The following SH3RF3 variants were observed in gnomAD, a reference collection of about 807,000 sequenced individuals.
SH3RF3 encodes the protein SH3 domain containing ring finger 3, also known as E3 ubiquitin-protein ligase SH3RF3.
SH3RF3 carries 29 observed loss-of-function variants against 66.3 expected under a neutral mutation model. The observed-to-expected ratio is 0.44, with a 90% confidence interval of 0.33 to 0.60. The LOEUF (loss-of-function observed/expected upper bound fraction) is 0.60. SH3RF3 is among the 20% of genes least tolerant of loss of function. The probability of loss-of-function intolerance (pLI) is 0.04; values close to 1 mark genes in which losing one functional copy is unlikely to be tolerated. For synonymous variants in SH3RF3, 583 were observed against 532.0 expected, an observed-to-expected ratio of 1.10 and a Z score of -1.32; for missense variants, 1,194 against 1,190.9, an observed-to-expected ratio of 1.00 and a Z score of -0.04.
chr2:109,487,206 T>C (rs1679003383), intron 8 of SH3RF3, among the ~76,000 whole-genome samples: 1 of 152,196 alleles, frequency 6.6e-6, no homozygotes, highest in Non-Finnish European at 1.5e-5. Context: ...TCAGCCCAGA[T>C]CAGCCCTAAA....
In SH3RF3 at chr2:109,443,664, C is replaced by T. The variant is rs193080037; in HGVS notation, c.1829-5506C>T. ...ATTATTAGAGATAAAAAGGCAATTT[C>T]GTAACAATAAAGGGGTCAGTTCATT... On this transcript the variant is annotated intron_variant, in intron 7 of 9. Coordinates refer to ENST00000309415, the MANE Select transcript of SH3RF3 (RefSeq NM_001099289.3). Among the ~76,000 whole-genome samples, 329 of 152,158 alleles carry T rather than the reference C, an allele frequency of 2.2e-3. 2 individuals carry two copies. Among genetic ancestry groups the T allele is most frequent in the African/African-American group, 7.3e-3 (304 of 41,502 alleles).
Position 109,498,240 on chromosome 2 carries a change from GAT to G in SH3RF3, c.2481-3262_2481-3261del, listed in dbSNP as rs1402369037. Among the ~76,000 whole-genome samples, 10 of 152,308 alleles carry G rather than the reference GAT, an allele frequency of 6.6e-5. No homozygotes were observed. The South Asian group carries it at 1.9e-3, about 28-fold the overall frequency. On this transcript the variant is annotated intron_variant, in intron 9 of 9. Coordinates refer to ENST00000309415, the MANE Select transcript of SH3RF3 (RefSeq NM_001099289.3). ...CCAGTCCAACCATCGTGCACCCGTA[GAT>G]GCTCTGAGACACTTAGAGTTGGCTG...
At chr2:109,439,396 C>T (rs1024970265) in intron 7 of SH3RF3, among the ~76,000 whole-genome samples, 12 of 152,220 alleles carry the variant, frequency 7.9e-5, no homozygotes, top group Admixed American at 2.6e-4. Context: ...TGAGTTCCTG[C>T]GGCATTTTCC....
intron 1 of SH3RF3, among the ~76,000 whole-genome samples, chr2:109,214,716 A>G (rs764246351): frequency 6.6e-6 from 1 of 152,032 alleles, no homozygotes; most frequent in Non-Finnish European, 1.5e-5. Flanking sequence ...GATGGGCTCC[A>G]CTCCAGCTGC....
At chr2:109,229,979 T>C (rs1226989891) in intron 1 of SH3RF3, among the ~76,000 whole-genome samples, 2 of 151,848 alleles carry the variant, frequency 1.3e-5, no homozygotes, top group Non-Finnish European at 2.9e-5. Context: ...CGCACGCCAG[T>C]ATGCCCGGCT....
At chr2:109,243,859 T>C (rs1679847954) in intron 1 of SH3RF3, among the ~76,000 whole-genome samples, 1 of 152,172 alleles carries the variant, frequency 6.6e-6, no homozygotes. Flanking sequence ...TGGTTTGCTT[T>C]AGAAAGATCT....
At chr2:109,151,783 T>C (rs762885879) in intron 1 of SH3RF3, among the ~76,000 whole-genome samples, 20 of 152,262 alleles carry the variant, frequency 1.3e-4, no homozygotes, top group Non-Finnish European at 2.2e-4. Flanking sequence ...CTGGCACCAG[T>C]GCACTTTTTA....
chr2:109,395,998 G>T (rs138995710), intron 3 of SH3RF3, among the ~76,000 whole-genome samples: 2 of 152,342 alleles, frequency 1.3e-5, no homozygotes, highest in Non-Finnish European at 2.9e-5. Flanking sequence ...CATTATTGCT[G>T]CCATGATTGC....
chr2:109,307,669 T>C (rs199615660), intron 1 of SH3RF3, among the ~76,000 whole-genome samples: 27,622 of 128,380 alleles, frequency 0.22, 1,600 homozygotes, highest in African/African-American at 0.38. Context: ...TGAGAATATG[T>C]GGTGTTTGGT....
intron 1 of SH3RF3, among the ~76,000 whole-genome samples, chr2:109,226,624 T>G (rs1227906117): frequency 6.6e-6 from 1 of 152,206 alleles, no homozygotes; most frequent in African/African-American, 2.4e-5. Flanking sequence ...TCCCCTTTCC[T>G]GAGTGTTTCT....
intron 1 of SH3RF3, among the ~76,000 whole-genome samples, chr2:109,238,849 G>A (rs1212851465): frequency 6.6e-6 from 1 of 152,134 alleles, no homozygotes; most frequent in African/African-American, 2.4e-5. Context: ...CAGTGTGGGG[G>A]GCAGTCCCTT....
At position 109,436,911 on chromosome 2, in the gene SH3RF3, A is replaced by C; in HGVS notation, c.1593A>C (p.Ala531=). 1 of 1,613,520 alleles carries C rather than the reference A, an allele frequency of 6.2e-7. No homozygotes were observed. Among genetic ancestry groups the C allele is most frequent in the Non-Finnish European group, 8.5e-7 (1 of 1,179,850 alleles). The stretch of plus-strand genomic sequence containing the variant: ...TCCACAGGGTGCCTGCAGGAGGGGC[A>C]GGGCCGCCCCGGAATAATGTAGTCG... ...TPVSRVPAGG[A]GPPRNNVVGG... is the part of the protein sequence containing the mutation. The change falls in exon 7 of 10, where the codon GCA becomes GCC. Residue 531 remains alanine, a synonymous_variant. Coordinates refer to ENST00000309415, the MANE Select transcript of SH3RF3 (RefSeq NM_001099289.3).
intron 1 of SH3RF3, among the ~76,000 whole-genome samples, chr2:109,189,968 GGT>G (rs1287164004): frequency 1.3e-5 from 2 of 152,150 alleles, no homozygotes; most frequent in Non-Finnish European, 2.9e-5. Context: ...ATGTTCCCCT[GGT>G]GTTTCTCTAA....
At chr2:109,146,041 T>C (rs551834435) in intron 1 of SH3RF3, among the ~76,000 whole-genome samples, 11 of 132,682 alleles carry the variant, frequency 8.3e-5, no homozygotes, top group Admixed American at 3.6e-4. Context: ...ACGGAGTCCA[T>C]GCGGGCCGAG....
At chr2:109,454,892 C>T (rs1286704771) in intron 8 of SH3RF3, among the ~76,000 whole-genome samples, 1 of 151,760 alleles carries the variant, frequency 6.6e-6, no homozygotes, top group Non-Finnish European at 1.5e-5. Flanking sequence ...TTTTCACTCT[C>T]ACGACTTATG....
chr2:109,338,151 A>C (rs1266962177), intron 1 of SH3RF3, among the ~76,000 whole-genome samples: 3 of 152,240 alleles, frequency 2.0e-5, no homozygotes, highest in African/African-American at 7.2e-5. Flanking sequence ...TGCTACCAAC[A>C]GGAGACCATC....
intron 1 of SH3RF3, among the ~76,000 whole-genome samples, chr2:109,208,996 C>T (rs1201369968): frequency 1.3e-5 from 2 of 151,766 alleles, no homozygotes; most frequent in African/African-American, 4.8e-5. Context: ...AGAGGCCCGA[C>T]ATCAACACGG....
chr2:109,273,912 A>G (rs1344693528), intron 1 of SH3RF3, among the ~76,000 whole-genome samples: 1 of 152,196 alleles, frequency 6.6e-6, no homozygotes, highest in Non-Finnish European at 1.5e-5. Context: ...CTGGTGTGGT[A>G]GGACTGGGTT....
At chr2:109,493,303 C>T (rs1679178608) in intron 9 of SH3RF3, among the ~76,000 whole-genome samples, 1 of 149,170 alleles carries the variant, frequency 6.7e-6, no homozygotes, top group Non-Finnish European at 1.5e-5. Context: ...ACCATGCACA[C>T]CATGCAAATA....
Sources: allele counts gnomAD v4.1 joint callset (sites outside exome capture counted in the v4.1 genomes callset), GRCh38; gene constraint gnomAD v4.1.1; transcripts MANE v1.5; gene names NCBI Gene and HGNC (gene_info 2026-07-23, HGNC 2026-07-21).